MMP16: variants seen among roughly 807,000 people sequenced by gnomAD.
MMP16 encodes matrix metallopeptidase 16, also known as matrix metalloproteinase-16.
A neutral mutation model predicts 67.8 loss-of-function variants in MMP16; 12 were observed. The ratio of observed to expected loss-of-function variants is 0.18; its 90% confidence interval spans 0.11 to 0.29. The LOEUF (loss-of-function observed/expected upper bound fraction) is 0.29, where lower values mean the gene tolerates loss of function less well. Ranked by LOEUF, MMP16 falls within the 10% of genes least tolerant of loss-of-function variation. The pLI is 1.00. For missense variants in MMP16, 475 were observed against 765.7 expected (o/e 0.62, Z 4.48); for synonymous variants, 249 against 255.9 (o/e 0.97, Z 0.26).
chr8:88,149,842 A>C (rs2129642426), intron 4 of MMP16, among the ~76,000 whole-genome samples: 1 of 150,520 alleles, frequency 6.6e-6, no homozygotes, highest in East Asian at 2.0e-4. Context: ...CTCACCAGCA[A>C]CGGAACAAAG....
At chr8:88,155,617 A>C (rs1170524371) in intron 4 of MMP16, among the ~76,000 whole-genome samples, 2 of 152,040 alleles carry the variant, frequency 1.3e-5, no homozygotes, top group African/African-American at 4.8e-5. Context: ...AGCTGGATTT[A>C]TTTACCAGAT....
At chr8:88,203,474 T>C (rs1456662133) in intron 1 of MMP16, among the ~76,000 whole-genome samples, 1 of 152,096 alleles carries the variant, frequency 6.6e-6, no homozygotes, top group Non-Finnish European at 1.5e-5. Context: ...TTAAACCTAA[T>C]ATAAGAAGAA....
chr8:88,187,866 T>C (rs993397399), intron 2 of MMP16, among the ~76,000 whole-genome samples: 3 of 152,190 alleles, frequency 2.0e-5, no homozygotes, highest in African/African-American at 4.8e-5. Flanking sequence ...TTTAAATGCA[T>C]TGTAGAGTTA....
At chr8:88,262,688 C>A (rs1278248977) in intron 1 of MMP16, among the ~76,000 whole-genome samples, 9 of 151,764 alleles carry the variant, frequency 5.9e-5, no homozygotes, top group Non-Finnish European at 1.5e-5. Context: ...AAGTAATTGG[C>A]AATTTTGGAG....
At chr8:88,229,306 A>T (rs28649468) in intron 1 of MMP16, among the ~76,000 whole-genome samples, 26,500 of 152,082 alleles carry the variant, frequency 0.17, 2,456 homozygotes, top group South Asian at 0.2. Context: ...ATAAGAATGC[A>T]GTTCTGTGAG....
intron 1 of MMP16, among the ~76,000 whole-genome samples, chr8:88,210,028 C>A (rs530266020): frequency 2.3e-4 from 35 of 152,196 alleles, no homozygotes; most frequent in African/African-American, 8.2e-4. Context: ...TCCCTCTTTC[C>A]AGCAGTGAGT....
At chr8:88,068,406 CTGATA>C (rs1297603231) in intron 7 of MMP16, among the ~76,000 whole-genome samples, 5 of 151,932 alleles carry the variant, frequency 3.3e-5, no homozygotes, top group African/African-American at 9.7e-5. Flanking sequence ...TTTAAATTGT[CTGATA>C]TATCAATTTT....
intron 5 of MMP16, among the ~76,000 whole-genome samples, chr8:88,118,276 C>T (rs1036832141): frequency 6.6e-6 from 1 of 152,014 alleles, no homozygotes; most frequent in Non-Finnish European, 1.5e-5. Context: ...AAATACCTAA[C>T]ATCAAATCTC....
chr8:88,200,374 CT>C (rs1169600054), intron 1 of MMP16, among the ~76,000 whole-genome samples: 12 of 152,160 alleles, frequency 7.9e-5, no homozygotes, highest in African/African-American at 2.6e-4. Context: ...AACTTTGACT[CT>C]TTACTATCTG....
At chr8:88,275,308 C>T in intron 1 of MMP16, among the ~76,000 whole-genome samples, 1 of 151,844 alleles carries the variant, frequency 6.6e-6, no homozygotes. Flanking sequence ...TAAAATATTA[C>T]TTATTAATTG....
intron 1 of MMP16, among the ~76,000 whole-genome samples, chr8:88,283,092 G>A (rs1810766893): frequency 6.6e-6 from 1 of 151,910 alleles, no homozygotes; most frequent in Non-Finnish European, 1.5e-5. Context: ...CTGGATTAGT[G>A]GACAACACAT....
chr8:88,238,701 T>C (rs894703546), intron 1 of MMP16, among the ~76,000 whole-genome samples: 1 of 151,762 alleles, frequency 6.6e-6, no homozygotes. Context: ...CGTGGGCTCT[T>C]TGTTTCCTAT....
intron 1 of MMP16, among the ~76,000 whole-genome samples, chr8:88,232,119 T>C (rs888393427): frequency 1.3e-5 from 2 of 152,142 alleles, no homozygotes; most frequent in African/African-American, 4.8e-5. Context: ...AGGATGCAAG[T>C]TCACATATGG....
chr8:88,147,653 T>C (rs1357967780), intron 4 of MMP16, among the ~76,000 whole-genome samples: 1 of 152,134 alleles, frequency 6.6e-6, no homozygotes, highest in Middle Eastern at 3.2e-3. Flanking sequence ...TATATGCCAC[T>C]GTCTTCTTGA....
intron 6 of MMP16, among the ~76,000 whole-genome samples, chr8:88,101,718 T>G (rs1049167727): frequency 1.3e-5 from 2 of 151,916 alleles, no homozygotes; most frequent in Non-Finnish European, 2.9e-5. Context: ...TGCCCTTTGA[T>G]TGGACAGATT....
At chr8:88,304,682 A>C (rs1470038239) in intron 1 of MMP16, among the ~76,000 whole-genome samples, 1 of 152,252 alleles carries the variant, frequency 6.6e-6, no homozygotes, top group African/African-American at 2.4e-5. Flanking sequence ...CCAGAATTTC[A>C]TATCAAGCCA....
At chr8:88,055,754 G>A (rs1808323863) in intron 8 of MMP16, among the ~76,000 whole-genome samples, 1 of 152,154 alleles carries the variant, frequency 6.6e-6, no homozygotes, top group African/African-American at 2.4e-5. Context: ...AACTTTGAGT[G>A]TGAAAACACA....
intron 7 of MMP16, chr8:88,069,457 G>A (rs975164412): frequency 1.7e-5 from 9 of 531,740 alleles, no homozygotes; most frequent in Non-Finnish European, 3.1e-5. Flanking sequence ...CTTTGTTCTA[G>A]AATCCATTTC....
At chr8:88,130,602 T>A (rs1201838475) in intron 4 of MMP16, among the ~76,000 whole-genome samples, 1 of 151,806 alleles carries the variant, frequency 6.6e-6, no homozygotes, top group Non-Finnish European at 1.5e-5. Flanking sequence ...TATTTTTATT[T>A]AGTAAACAAA....
Sources: gnomAD v4.1 joint callset for allele counts (sites outside exome capture counted in the v4.1 genomes callset) on GRCh38, gnomAD v4.1.1 for gene constraint, MANE v1.5 for transcripts, NCBI Gene and HGNC (gene_info 2026-07-23, HGNC 2026-07-21) for gene names.